The following CACNA2D3 variants were observed in gnomAD, a reference collection of about 807,000 sequenced individuals.
The protein encoded by CACNA2D3 is calcium voltage-gated channel auxiliary subunit alpha2delta 3.
CACNA2D3 carries 60 observed loss-of-function variants against 160.6 expected under a neutral mutation model. The observed-to-expected ratio is 0.37, with a 90% CI of 0.30 to 0.46. CACNA2D3 has a LOEUF of 0.46. Ranked by LOEUF, CACNA2D3 falls within the 20% of genes least tolerant of loss-of-function variation. CACNA2D3 has a pLI of 1.00. For synonymous variants in CACNA2D3, 558 were observed against 492.9 expected (o/e 1.13, Z -1.75); for missense variants, 1,205 against 1,365.0 (o/e 0.88, Z 1.85).
intron 2 of CACNA2D3, among the ~76,000 whole-genome samples, chr3:54,171,158 TAGGAATAGCTAGA>T (rs1700561878): frequency 7.1e-6 from 1 of 140,678 alleles, no homozygotes; most frequent in African/African-American, 3.0e-5. Context: ...TTTTTTTTTT[TAGGAATAGCTAGA>T]TGATCCGGGA....
At chr3:54,728,096 T>A (rs1701311873) in intron 11 of CACNA2D3, among the ~76,000 whole-genome samples, 1 of 152,248 alleles carries the variant, frequency 6.6e-6, no homozygotes, top group Admixed American at 6.5e-5. Flanking sequence ...TTGGAGTGTG[T>A]ATATCTTCTT....
intron 11 of CACNA2D3, among the ~76,000 whole-genome samples, chr3:54,686,993 G>A (rs566047345): frequency 2.0e-5 from 3 of 152,062 alleles, no homozygotes; most frequent in Admixed American, 6.5e-5. Flanking sequence ...GTTTTGACCC[G>A]GAGTCATTGT....
At chr3:54,298,905 T>A (rs1290273871) in intron 2 of CACNA2D3, among the ~76,000 whole-genome samples, 2 of 131,680 alleles carry the variant, frequency 1.5e-5, no homozygotes, top group Non-Finnish European at 3.1e-5. Context: ...ATTACACCAC[T>A]GCACTCCAGC....
At chr3:54,647,715 C>G (rs994820316) in intron 11 of CACNA2D3, among the ~76,000 whole-genome samples, 1 of 152,218 alleles carries the variant, frequency 6.6e-6, no homozygotes, top group South Asian at 2.1e-4. Flanking sequence ...CTCCAAGCAA[C>G]TGCTTAATAA....
chr3:54,889,476 G>A (rs1394309482), intron 24 of CACNA2D3, among the ~76,000 whole-genome samples: 42 of 152,152 alleles, frequency 2.8e-4, no homozygotes, highest in Non-Finnish European at 8.8e-5. Context: ...TGATGGGTTT[G>A]TTGTGGAGGG....
rs141404413 is a variant in CACNA2D3 at position 54,880,210 on chromosome 3, G to A, written c.1845-586G>A. 2.5e-3 allele frequency among the ~76,000 whole-genome samples: 381 copies of A among 152,272 alleles called. 2 individuals are homozygous for A. The highest frequency in any genetic ancestry group is 5.6e-3 in the South Asian group (27 of 4,818). On this transcript the variant is annotated intron_variant, in intron 20 of 37. Coordinates refer to ENST00000474759, the MANE Select transcript of CACNA2D3 (RefSeq NM_018398.3). ...GGGTTTGCCAAATAGTCTCTCTAAC[G>A]TAAGGGACTATGTTTTAAAAACATA... is the stretch of plus-strand genomic sequence containing the variant.
At chr3:54,137,769 C>G (rs1273384032) in intron 2 of CACNA2D3, among the ~76,000 whole-genome samples, 2 of 149,424 alleles carry the variant, frequency 1.3e-5, no homozygotes, top group African/African-American at 4.8e-5. Context: ...GTACTCTATT[C>G]TACACTATTC....
intron 17 of CACNA2D3, among the ~76,000 whole-genome samples, chr3:54,865,895 G>A (rs1332912966): frequency 1.3e-5 from 2 of 152,128 alleles, no homozygotes; most frequent in African/African-American, 2.4e-5. Context: ...CTGAGTGCCC[G>A]TACCTCCATC....
chr3:54,380,888 A>T (rs1216369512), intron 3 of CACNA2D3, among the ~76,000 whole-genome samples: 1 of 152,210 alleles, frequency 6.6e-6, no homozygotes, highest in African/African-American at 2.4e-5. Context: ...AGGAAAAGTC[A>T]TGTGATCTCT....
At chr3:54,959,435 C>T (rs1260114564) in intron 27 of CACNA2D3, among the ~76,000 whole-genome samples, 5 of 152,150 alleles carry the variant, frequency 3.3e-5, no homozygotes, top group African/African-American at 1.2e-4. Flanking sequence ...GGACTGCCCA[C>T]GTGGAGATTT....
At chr3:54,251,499 C>T (rs58531056) in intron 2 of CACNA2D3, among the ~76,000 whole-genome samples, 5 of 152,192 alleles carry the variant, frequency 3.3e-5, no homozygotes, top group Non-Finnish European at 7.3e-5. Context: ...CATTATTACT[C>T]TCATCTGCCA....
chr3:54,354,590 TCTTA>T (rs958135449), intron 3 of CACNA2D3, among the ~76,000 whole-genome samples: 1 of 152,198 alleles, frequency 6.6e-6, no homozygotes, highest in Admixed American at 6.5e-5. Context: ...CTGTCAGTGC[TCTTA>T]CTTCTAAGCA....
chr3:54,630,635 T>A (rs907075705), intron 10 of CACNA2D3, among the ~76,000 whole-genome samples: 1 of 152,172 alleles, frequency 6.6e-6, no homozygotes, highest in African/African-American at 2.4e-5. Context: ...TAGCATCTTG[T>A]AGAAGTTACA....
chr3:54,897,650 T>C (rs1360998218), intron 26 of CACNA2D3, among the ~76,000 whole-genome samples: 1 of 152,244 alleles, frequency 6.6e-6, no homozygotes, highest in African/African-American at 2.4e-5. Context: ...TTTACATATA[T>C]CAGTTCCTTT....
At chr3:54,802,823 C>A (rs1703024724) in intron 13 of CACNA2D3, among the ~76,000 whole-genome samples, 1 of 152,186 alleles carries the variant, frequency 6.6e-6, no homozygotes, top group Admixed American at 6.5e-5. Flanking sequence ...TAGGGGCAGA[C>A]TGACATCTCA....
At chr3:54,455,606 C>G (rs905439198) in intron 4 of CACNA2D3, among the ~76,000 whole-genome samples, 3 of 151,926 alleles carry the variant, frequency 2.0e-5, no homozygotes, top group African/African-American at 4.8e-5. Context: ...ATTTTTGCTT[C>G]TGTTGTCTGT....
chr3:54,820,584 G>A (rs1045936650), intron 14 of CACNA2D3, among the ~76,000 whole-genome samples: 1 of 152,184 alleles, frequency 6.6e-6, no homozygotes, highest in African/African-American at 2.4e-5. Flanking sequence ...TATGGAGGTA[G>A]TGTCCTGAGG....
chr3:54,402,768 G>GA (rs1699493037), intron 4 of CACNA2D3, among the ~76,000 whole-genome samples: 1 of 152,030 alleles, frequency 6.6e-6, no homozygotes, highest in Non-Finnish European at 1.5e-5. Context: ...CTGCACTTCA[G>GA]AAAAAAATGG....
At chr3:54,195,963 C>T (rs1158105699) in intron 2 of CACNA2D3, among the ~76,000 whole-genome samples, 3 of 152,210 alleles carry the variant, frequency 2.0e-5, no homozygotes, top group Non-Finnish European at 4.4e-5. Flanking sequence ...ACTGAATTTT[C>T]CAGGAGCACG....
Sources: allele counts gnomAD v4.1 joint callset (sites outside exome capture counted in the v4.1 genomes callset), GRCh38; gene constraint gnomAD v4.1.1; transcripts MANE v1.5; gene names NCBI Gene and HGNC (gene_info 2026-07-23, HGNC 2026-07-21).